OTUD7A: variants seen among roughly 807,000 people sequenced by gnomAD.
OTUD7A encodes the protein OTU deubiquitinase 7A.
OTUD7A carries 12 observed loss-of-function variants against 65.7 expected under a neutral mutation model. That is an observed-to-expected ratio of 0.18 (90% CI 0.12 to 0.30). The LOEUF (loss-of-function observed/expected upper bound fraction) is 0.30, where lower values mean the gene tolerates loss of function less well. Among genes scored for constraint, OTUD7A ranks in the 10% least tolerant of loss-of-function variants. The pLI, the probability that OTUD7A is intolerant of heterozygous loss-of-function variation, is 1.00. For missense variants in OTUD7A, 1,148 were observed against 1,304.8 expected (o/e 0.88, Z 1.85); for synonymous variants, 641 against 586.3 (o/e 1.09, Z -1.35).
chr15:31,782,127 C>T (rs544637298), intron 1 of OTUD7A, among the ~76,000 whole-genome samples: 2 of 152,328 alleles, frequency 1.3e-5, no homozygotes, highest in African/African-American at 4.8e-5. Context: ...TGACACAACC[C>T]CTCTATGCTG....
chr15:31,668,592 T>C (rs1566968290), intron 1 of OTUD7A, among the ~76,000 whole-genome samples: 1 of 152,236 alleles, frequency 6.6e-6, no homozygotes, highest in African/African-American at 2.4e-5. Context: ...GGGCTTTGCC[T>C]TTCTCTGGTG....
chr15:31,578,085 G>C (rs185608113), intron 3 of OTUD7A, among the ~76,000 whole-genome samples: 3 of 152,152 alleles, frequency 2.0e-5, no homozygotes, highest in Non-Finnish European at 4.4e-5. Context: ...ATCTAAATAG[G>C]CTCCCTCCTT....
intron 4 of OTUD7A, among the ~76,000 whole-genome samples, chr15:31,568,413 C>T (rs957025699): frequency 3.9e-5 from 6 of 152,324 alleles, no homozygotes; most frequent in Middle Eastern, 3.4e-3. Flanking sequence ...AATGTTTACC[C>T]GATTGTATCT....
chr15:31,710,545 G>A (rs1893415854), intron 1 of OTUD7A, among the ~76,000 whole-genome samples: 3 of 152,168 alleles, frequency 2.0e-5, no homozygotes, highest in Admixed American at 6.5e-5. Context: ...AGACCTCAGG[G>A]CAGGGGGCAC....
Position 31,483,413 on chromosome 15 carries a change from GCTGCACCGGCCCC to G in OTUD7A, c.2670_2682del (p.Pro892AlafsTer91). 7.3e-7 allele frequency: 1 copy of G among 1,364,524 alleles called. No individual in the cohort carries two copies. The highest frequency in any genetic ancestry group is 9.5e-7 in the Non-Finnish European group (1 of 1,058,200). The allele number at this position is 1,364,524 out of a possible 1,614,324, so 84.5% of individuals were successfully genotyped here. ...GCACAGTTCTCGCGCTGGCAGCGCC[GCTGCACCGGCCCC>G]GGGCCGCCACGGCCGCACTCACCGT... On this transcript the variant is annotated frameshift_variant, in exon 13 of 13. Transcript: ENST00000307050. LOFTEE classifies it high-confidence loss of function.
At chr15:31,607,987 G>T (rs1416809338) in intron 3 of OTUD7A, among the ~76,000 whole-genome samples, 1 of 152,226 alleles carries the variant, frequency 6.6e-6, no homozygotes, top group African/African-American at 2.4e-5. Context: ...AGTGGCTCAT[G>T]CCTGTAATCC....
At chr15:31,583,424 G>A (rs1889432509) in intron 3 of OTUD7A, among the ~76,000 whole-genome samples, 1 of 152,078 alleles carries the variant, frequency 6.6e-6, no homozygotes, top group Admixed American at 6.5e-5. Flanking sequence ...TGCTGATATG[G>A]TTTGGCTGTG....
At chr15:31,737,948 T>C (rs989771147) in intron 1 of OTUD7A, among the ~76,000 whole-genome samples, 1 of 152,250 alleles carries the variant, frequency 6.6e-6, no homozygotes, top group African/African-American at 2.4e-5. Flanking sequence ...TGTTCATAAA[T>C]GTATAGGTGT....
intron 1 of OTUD7A, among the ~76,000 whole-genome samples, chr15:31,793,765 C>T (rs1895880014): frequency 6.6e-6 from 1 of 152,188 alleles, no homozygotes; most frequent in Non-Finnish European, 1.5e-5. Context: ...TGCTTTTTAG[C>T]CCTGTGGCTT....
chr15:31,810,872 C>A (rs772043227), intron 1 of OTUD7A, among the ~76,000 whole-genome samples: 1 of 152,186 alleles, frequency 6.6e-6, no homozygotes, highest in African/African-American at 2.4e-5. Flanking sequence ...AGGCCTCCAT[C>A]CCCAGGAGGC....
At chr15:31,552,205 C>A (rs1595604237) in intron 5 of OTUD7A, among the ~76,000 whole-genome samples, 1 of 152,278 alleles carries the variant, frequency 6.6e-6, no homozygotes, top group East Asian at 1.9e-4. Context: ...AAGCCTTCAC[C>A]AGAAGCAGAT....
intron 1 of OTUD7A, among the ~76,000 whole-genome samples, chr15:31,854,869 T>C (rs1165757253): frequency 6.8e-6 from 1 of 146,672 alleles, no homozygotes; most frequent in Non-Finnish European, 1.5e-5. Context: ...AGAAAGAGAA[T>C]CAGAGCATGG....
At chr15:31,718,278 C>T (rs1470574336) in intron 1 of OTUD7A, among the ~76,000 whole-genome samples, 2 of 152,150 alleles carry the variant, frequency 1.3e-5, no homozygotes, top group African/African-American at 4.8e-5. Context: ...TAAATTTCTC[C>T]GCCATTGGTT....
intron 1 of OTUD7A, among the ~76,000 whole-genome samples, chr15:31,681,324 C>G (rs1316432549): frequency 6.6e-6 from 1 of 152,018 alleles, no homozygotes; most frequent in Admixed American, 6.5e-5. Flanking sequence ...TGCACCCACC[C>G]ACCCAGCCAC....
At chr15:31,507,425 T>C (rs756084608) in intron 8 of OTUD7A, among the ~76,000 whole-genome samples, 4 of 152,158 alleles carry the variant, frequency 2.6e-5, no homozygotes, top group Non-Finnish European at 5.9e-5. Flanking sequence ...CCATTTATTA[T>C]AAGGTTGTTA....
chr15:31,543,056 A>G (rs1156611058), intron 5 of OTUD7A, among the ~76,000 whole-genome samples: 2 of 152,062 alleles, frequency 1.3e-5, no homozygotes, highest in African/African-American at 4.8e-5. Context: ...AGGTAAGCAT[A>G]TGGGTAAATC....
intron 1 of OTUD7A, among the ~76,000 whole-genome samples, chr15:31,756,143 G>C (rs1174839752): frequency 6.6e-6 from 1 of 152,218 alleles, no homozygotes; most frequent in South Asian, 2.1e-4. Context: ...GTGGACACCT[G>C]CTTTCAACTT....
At chr15:31,820,963 G>A (rs1479395955) in intron 1 of OTUD7A, among the ~76,000 whole-genome samples, 2 of 151,764 alleles carry the variant, frequency 1.3e-5, no homozygotes, top group Non-Finnish European at 2.9e-5. Flanking sequence ...CATTCCCTCC[G>A]AGGCCCCCAG....
At chr15:31,532,698 C>T (rs138481137) in intron 5 of OTUD7A, among the ~76,000 whole-genome samples, 5,756 of 151,994 alleles carry the variant, frequency 0.038, 203 homozygotes, top group African/African-American at 0.091. Context: ...GAGGCTGAGG[C>T]GGGCGGATCA....
Sources: allele counts gnomAD v4.1 joint callset (sites outside exome capture counted in the v4.1 genomes callset), GRCh38; gene constraint gnomAD v4.1.1; transcripts MANE v1.5; gene names NCBI Gene and HGNC (gene_info 2026-07-23, HGNC 2026-07-21).